The following FRMD4B variants were observed in gnomAD, a reference collection of about 807,000 sequenced individuals.
The protein encoded by FRMD4B is FERM domain-containing protein 4B.
FRMD4B carries 74 observed loss-of-function variants against 141.5 expected under a neutral mutation model. The ratio of observed to expected loss-of-function variants is 0.52; its 90% confidence interval spans 0.43 to 0.63. The LOEUF (loss-of-function observed/expected upper bound fraction) is 0.63. Among genes scored for constraint, FRMD4B ranks in the 30% least tolerant of loss-of-function variants. FRMD4B has a pLI of 0.00. For synonymous variants in FRMD4B, 506 were observed against 467.9 expected (o/e 1.08, Z -1.05); for missense variants, 1,366 against 1,253.4 (o/e 1.09, Z -1.36).
At chr3:69,203,320 C>CAAAAAAAAA (rs796607832) in intron 11 of FRMD4B, among the ~76,000 whole-genome samples, 12 of 107,894 alleles carry the variant, frequency 1.1e-4, no homozygotes, top group East Asian at 1.0e-3. Flanking sequence ...CAAACTTCAG[C>CAAAAAAAAA]AAAAAAAAAA....
intron 22 of FRMD4B, among the ~76,000 whole-genome samples, chr3:69,172,969 C>T (rs1343415538): frequency 2.0e-5 from 3 of 152,038 alleles, no homozygotes; most frequent in Non-Finnish European, 4.4e-5. Context: ...TTCATAATTT[C>T]ACACATCAGT....
intron 1 of FRMD4B, among the ~76,000 whole-genome samples, chr3:69,504,144 T>C (rs1706552313): frequency 6.6e-6 from 1 of 152,218 alleles, no homozygotes; most frequent in African/African-American, 2.4e-5. Flanking sequence ...TTTTGCATAA[T>C]TGGATCATAC....
At chr3:69,449,647 CA>C (rs906973976) in intron 1 of FRMD4B, among the ~76,000 whole-genome samples, 68 of 152,148 alleles carry the variant, frequency 4.5e-4, no homozygotes, top group African/African-American at 1.6e-3. Flanking sequence ...GTCAGACAAC[CA>C]GCTAAAAAGA....
At chr3:69,198,032 G>A (rs987504910) in intron 12 of FRMD4B, 11 of 152,138 alleles carry the variant, frequency 7.2e-5, no homozygotes, top group African/African-American at 2.4e-4. Context: ...GTTGAGGCAT[G>A]AGCATCACCT....
At chr3:69,455,245 A>C (rs1319030489) in intron 1 of FRMD4B, among the ~76,000 whole-genome samples, 1 of 152,238 alleles carries the variant, frequency 6.6e-6, no homozygotes, top group Non-Finnish European at 1.5e-5. Flanking sequence ...AGGGAATAAA[A>C]GCAGGCTGCC....
At chr3:69,399,706 A>G (rs72937895) in intron 2 of FRMD4B, among the ~76,000 whole-genome samples, 4,738 of 152,166 alleles carry the variant, frequency 0.031, 262 homozygotes, top group African/African-American at 0.11. Flanking sequence ...GTGAACTCCC[A>G]TTTATCTTTC....
chr3:69,180,317 A>G (rs1334439664), intron 21 of FRMD4B, among the ~76,000 whole-genome samples: 1 of 151,554 alleles, frequency 6.6e-6, no homozygotes, highest in Non-Finnish European at 1.5e-5. Context: ...TCCTATAAGG[A>G]TTCTTACGAG....
At chr3:69,508,311 C>T (rs147104023) in intron 1 of FRMD4B, among the ~76,000 whole-genome samples, 1 of 152,078 alleles carries the variant, frequency 6.6e-6, no homozygotes, top group African/African-American at 2.4e-5. Context: ...GAAAGAAGTG[C>T]TCCTATATTT....
Position 69,313,474 on chromosome 3 carries a change from C to A in FRMD4B, c.206G>T (p.Arg69Met). 1 of 1,572,528 alleles carries A rather than the reference C, an allele frequency of 6.4e-7. No homozygotes were observed. Among genetic ancestry groups the A allele is most frequent in the East Asian group, 2.3e-5 (1 of 42,704 alleles). Residue 69 changes from arginine (R) to methionine (M), a missense_variant, in exon 2 of 23, where the codon AGG (arginine) becomes ATG (methionine). Arg to Met is a moderately conservative substitution (Grantham distance 91). Transcript: ENST00000398540. Reference sequence around the variant, plus strand: ...TACCTGAACCAGCAGCTCCAGTCTCCTATCATCCAGGAGGTGCACCTGGCA... The same window carrying A: ...TACCTGAACCAGCAGCTCCAGTCTCATATCATCCAGGAGGTGCACCTGGCA... Reference protein sequence around the residue: ...RHCQVHLLDDRRLELLVQPKL... With the variant: ...RHCQVHLLDDMRLELLVQPKL...
chr3:69,261,185 T>A (rs1297297094), intron 5 of FRMD4B, among the ~76,000 whole-genome samples: 1 of 152,210 alleles, frequency 6.6e-6, no homozygotes, highest in African/African-American at 2.4e-5. Context: ...GCTGTAACAC[T>A]GCTGGCGAAG....
intron 5 of FRMD4B, among the ~76,000 whole-genome samples, chr3:69,266,802 A>G (rs2093564179): frequency 6.6e-6 from 1 of 152,188 alleles, no homozygotes; most frequent in Non-Finnish European, 1.5e-5. Flanking sequence ...TGGGTCAAAG[A>G]CTGTTAAGAA....
At chr3:69,362,352 C>T (rs1479311239) in intron 1 of FRMD4B, among the ~76,000 whole-genome samples, 1 of 152,196 alleles carries the variant, frequency 6.6e-6, no homozygotes, top group Non-Finnish European at 1.5e-5. Flanking sequence ...ATTTCAGGCT[C>T]TTGACTTGTG....
chr3:69,339,629 A>G (rs1702669014), intron 1 of FRMD4B, among the ~76,000 whole-genome samples: 1 of 151,984 alleles, frequency 6.6e-6, no homozygotes, highest in African/African-American at 2.4e-5. Context: ...AAAGTACAAT[A>G]AAAAAAATGA....
At chr3:69,407,784 G>A (rs929201879) in intron 2 of FRMD4B, among the ~76,000 whole-genome samples, 2 of 152,104 alleles carry the variant, frequency 1.3e-5, no homozygotes, top group African/African-American at 2.4e-5. Flanking sequence ...GCCCAGACGC[G>A]GCTGCAGAAG....
chr3:69,528,489 T>C (rs1575601697), intron 1 of FRMD4B, among the ~76,000 whole-genome samples: 1 of 152,104 alleles, frequency 6.6e-6, no homozygotes, highest in African/African-American at 2.4e-5. Context: ...CTCAGCCTCC[T>C]GAGTAGCTGC....
At chr3:69,430,057 G>A (rs1325281546) in intron 2 of FRMD4B, among the ~76,000 whole-genome samples, 1 of 152,000 alleles carries the variant, frequency 6.6e-6, no homozygotes, top group Non-Finnish European at 1.5e-5. Context: ...CACCATGCCC[G>A]GGCCTGGATG....
chr3:69,232,708 T>C (rs1443819346), intron 7 of FRMD4B, among the ~76,000 whole-genome samples: 1 of 152,098 alleles, frequency 6.6e-6, no homozygotes, highest in Non-Finnish European at 1.5e-5. Flanking sequence ...TGTGGGCTTG[T>C]ACACAGCAAC....
chr3:69,229,018 T>G (rs75906003), intron 7 of FRMD4B, among the ~76,000 whole-genome samples: 13,682 of 147,450 alleles, frequency 0.093, 1,318 homozygotes, highest in African/African-American at 0.23. Flanking sequence ...AAATCATGTT[T>G]TTTTTTTTTT....
At chr3:69,206,936 T>C (rs879087883) in intron 11 of FRMD4B, among the ~76,000 whole-genome samples, 1 of 152,126 alleles carries the variant, frequency 6.6e-6, no homozygotes, top group Admixed American at 6.6e-5. Flanking sequence ...ATTTAACAAC[T>C]TTAGCTTATC....
Sources: gnomAD v4.1 joint callset for allele counts (sites outside exome capture counted in the v4.1 genomes callset) on GRCh38, gnomAD v4.1.1 for gene constraint, MANE v1.5 for transcripts, NCBI Gene and HGNC (gene_info 2026-07-23, HGNC 2026-07-21) for gene names.